NPC1: variants seen among roughly 807,000 people sequenced by gnomAD.
The protein encoded by NPC1 is Niemann-Pick C1 protein.
In NPC1, 85 loss-of-function variants were observed where a neutral mutation model predicts 140.4. The observed-to-expected ratio is 0.61, with a 90% CI of 0.51 to 0.72. NPC1 has a LOEUF of 0.72. Ranked by LOEUF, NPC1 falls within the 30% of genes least tolerant of loss-of-function variation. The pLI is 0.00. For missense variants in NPC1, 1,504 were observed against 1,623.8 expected, an observed-to-expected ratio of 0.93 and a Z score of 1.27; for synonymous variants, 656 against 624.8, an observed-to-expected ratio of 1.05 and a Z score of -0.74.
At chr18:23,547,493 C>T (rs1364171448) in intron 11 of NPC1, among the ~76,000 whole-genome samples, 1 of 152,168 alleles carries the variant, frequency 6.6e-6, no homozygotes, top group African/African-American at 2.4e-5. Context: ...GTAATCCCGG[C>T]ACTTTGGGAG....
chr18:23,545,548 G>A (rs2058777762), intron 11 of NPC1, among the ~76,000 whole-genome samples: 1 of 152,150 alleles, frequency 6.6e-6, no homozygotes, highest in Admixed American at 6.5e-5. Flanking sequence ...CCGGCTCAAA[G>A]GCCATGTTTT....
chr18:23,531,716 G>T lies in NPC1; in HGVS notation c.*486C>A, dbSNP rs2058515004. ...CTACAACATTCTGAAATCACTTGCTGTTTTTTTATATAAAAATGTGTACAA... is the reference window on the plus strand; with the variant it reads ...CTACAACATTCTGAAATCACTTGCTTTTTTTTTATATAAAAATGTGTACAA... On this transcript the variant is annotated 3_prime_UTR_variant, in exon 25 of 25. Transcript: ENST00000269228. The T allele has an allele frequency of 6.3e-7, 1 of 1,598,768 alleles. No individual in the cohort carries two copies. The highest frequency in any genetic ancestry group is 8.5e-7 in the Non-Finnish European group (1 of 1,176,176).
At chr18:23,579,970 A>T (rs2059338767) in intron 1 of NPC1, among the ~76,000 whole-genome samples, 1 of 152,128 alleles carries the variant, frequency 6.6e-6, no homozygotes, top group Admixed American at 6.5e-5. Flanking sequence ...CCATAAGCAC[A>T]CATTATTATC....
chr18:23,518,709 C>G (rs1305226562), downstream of NPC1, among the ~76,000 whole-genome samples: 1 of 152,080 alleles, frequency 6.6e-6, no homozygotes, highest in Non-Finnish European at 1.5e-5. Flanking sequence ...AGTGTGTGTT[C>G]TCTTTTCCAC....
chr18:23,543,045 G>C (rs181487561), intron 14 of NPC1, among the ~76,000 whole-genome samples: 1 of 152,076 alleles, frequency 6.6e-6, no homozygotes, highest in African/African-American at 2.4e-5. Context: ...GAGACAACAC[G>C]GGCTGGGCAC....
chr18:23,526,796 T>G, downstream of NPC1: 1 of 1,610,708 alleles, frequency 6.2e-7, no homozygotes, highest in South Asian at 1.1e-5. Flanking sequence ...TTGCTCTGAT[T>G]CCAGTGTGAG....
In NPC1 at chr18:23,512,016, C is replaced by CT. The variant is rs34759918; in HGVS notation, c.432-5375dup. On this transcript the variant is annotated intron_variant, in intron 3 of 3. Transcript: ENST00000591107. ...TTTGCCAACCTGAGAGGTAGAAAGA[C>CT]TTTTTTTTTTTTTTTTTTTTCTGAG... 5.0e-3 allele frequency among the ~76,000 whole-genome samples: 639 copies of CT among 127,200 alleles called. 6 individuals are homozygous for CT. The highest frequency in any genetic ancestry group is 0.013 in the Middle Eastern group (3 of 240). The allele number at this position is 127,200 out of a possible 152,430, so 83.4% of individuals were successfully genotyped here. A position where few individuals can be genotyped will look rare whatever the true frequency, so the allele number is the denominator to read the frequency against.
intron 18 of NPC1, 112 bp from the exon 19 acceptor site, chr18:23,539,582 CAAAAGA>C (rs1175984062): frequency 2.4e-6 from 2 of 844,546 alleles, no homozygotes; most frequent in Non-Finnish European, 3.8e-6. Context: ...TGCTAACAGT[CAAAAGA>C]AAAACTACAT....
chr18:23,556,662 T>C (rs1412754247), intron 7 of NPC1, 49 bp from the exon 8 acceptor site: 5 of 1,607,982 alleles, frequency 3.1e-6, no homozygotes, highest in Non-Finnish European at 4.2e-6. Flanking sequence ...AGCCAAGCCG[T>C]TCCTGAAAGT....
chr18:23,548,094 T>C lies in NPC1; in HGVS notation c.1669A>G (p.Asn557Asp). 1 of 1,607,720 alleles carries C rather than the reference T, an allele frequency of 6.2e-7. No homozygotes were observed. Among genetic ancestry groups the C allele is most frequent in the Non-Finnish European group, 8.5e-7 (1 of 1,174,260 alleles). ...AAGGTAATCACAAGGGCAGTGGCGT[T>C]ATTGTAGTTTTGATCTAGAAAGGAA... ...LGGYDDQNYNNATALVITFPV... is the reference protein window; with the variant it reads ...LGGYDDQNYNDATALVITFPV... Residue 557 changes from asparagine (N) to aspartate (D), a missense_variant, in exon 11 of 25, where the codon AAC (asparagine) becomes GAC (aspartate). Coordinates refer to ENST00000269228, the MANE Select transcript of NPC1 (RefSeq NM_000271.5).
At chr18:23,569,093 G>T (rs2059166794) in intron 3 of NPC1, 95 bp from the exon 4 acceptor site, 4 of 862,448 alleles carry the variant, frequency 4.6e-6, no homozygotes, top group Non-Finnish European at 5.6e-6. Context: ...TAAACTTACT[G>T]TAAAGTGACA....
chr18:23,551,285 G>C (rs1391989163), intron 10 of NPC1, among the ~76,000 whole-genome samples: 1 of 152,144 alleles, frequency 6.6e-6, no homozygotes, highest in Non-Finnish European at 1.5e-5. Context: ...TGAGGTCCAT[G>C]AGCTCCCTAG....
intron 3 of NPC1, among the ~76,000 whole-genome samples, chr18:23,509,875 C>CT (rs1211111177): frequency 6.7e-6 from 1 of 148,650 alleles, no homozygotes; most frequent in Non-Finnish European, 1.5e-5. Flanking sequence ...AATTTTTAAA[C>CT]TTTTTTGTAG....
downstream of NPC1, among the ~76,000 whole-genome samples, chr18:23,517,923 G>T (rs2058051496): frequency 1.3e-5 from 2 of 152,112 alleles, no homozygotes; most frequent in Admixed American, 1.3e-4. Flanking sequence ...TCACCATGTT[G>T]CCCAGGCTGG....
At chr18:23,530,668 G>A, downstream of NPC1, 1 of 1,533,474 alleles carries the variant, frequency 6.5e-7, no homozygotes, top group Non-Finnish European at 8.9e-7. Flanking sequence ...GTAGCAGAGG[G>A]CACTGGCAGC....
downstream of NPC1, chr18:23,527,652 C>T: frequency 1.0e-5 from 2 of 199,770 alleles, no homozygotes; most frequent in South Asian, 8.9e-5. Context: ...ATCTAGCTGT[C>T]AGGTCTTTAA....
Position 23,561,434 on chromosome 18 carries a change from G to C in NPC1, c.557C>G (p.Ala186Gly). The C allele has an allele frequency of 6.2e-7, 1 of 1,614,174 alleles. No homozygotes were observed. Residue 186 changes from alanine (A) to glycine (G), a missense_variant, in exon 5 of 25, where the codon GCC (alanine) becomes GGC (glycine). Transcript: ENST00000269228. Reference protein sequence around the residue: ...LCGKDADACNATNWIEYMFNK... With the variant: ...LCGKDADACNGTNWIEYMFNK... ...GAACATGTATTCAATCCAGTTGGTG[G>C]CATTACAGGCGTCAGCGTCCTTCCC...
At chr18:23,520,192 TCCCC>T (rs748071437), downstream of NPC1, 1 of 1,607,204 alleles carries the variant, frequency 6.2e-7, no homozygotes, top group Non-Finnish European at 8.5e-7. Flanking sequence ...CTTGTCTTTT[TCCCC>T]CCCAGACATC....
chr18:23,561,284 A>G, intron 5 of NPC1, 76 bp downstream of exon 5: 1 of 1,477,746 alleles, frequency 6.8e-7, no homozygotes, highest in Non-Finnish European at 9.5e-7. Flanking sequence ...AGCACTGGTG[A>G]GCCACTGTGC....
Sources: allele counts gnomAD v4.1 joint callset (sites outside exome capture counted in the v4.1 genomes callset), GRCh38; gene constraint gnomAD v4.1.1; transcripts MANE v1.5; gene names NCBI Gene and HGNC (gene_info 2026-07-23, HGNC 2026-07-21).